MBNL3: variants seen among roughly 807,000 people sequenced by gnomAD.
MBNL3 encodes the protein muscleblind like splicing regulator 3, also known as muscleblind-like protein 3.
In MBNL3, 6 loss-of-function variants were observed where a neutral mutation model predicts 24.5. The ratio of observed to expected loss-of-function variants is 0.25; its 90% CI spans 0.13 to 0.48. The LOEUF is 0.48. Among genes scored for constraint, MBNL3 ranks in the 20% least tolerant of loss-of-function variants. MBNL3 has a pLI of 0.99. For missense variants in MBNL3, 230 were observed against 293.5 expected (o/e 0.78, Z 1.58); for synonymous variants, 100 against 101.7 (o/e 0.98, Z 0.10).
intron 2 of MBNL3, chrX:132,429,908 G>A (rs1004303500): frequency 2.7e-5 from 3 of 111,891 alleles, no homozygotes; most frequent in African/African-American, 9.8e-5. Context: ...CTCCCTCAAC[G>A]GATCACCAGT....
rs1337401822 is a variant in MBNL3 at position 132,372,594 on chromosome X, A to G, written c.*7072T>C. 9.1e-6 allele frequency: 1 copy of G among 110,052 alleles called. No individual in the cohort carries two copies. The allele number at this position is 110,052 out of a possible 1,213,427, so 9.1% of individuals were successfully genotyped here. A position where few individuals can be genotyped will look rare whatever the true frequency, so the allele number is the denominator to read the frequency against. On this transcript the variant is annotated 3_prime_UTR_variant, in exon 9 of 9. Transcript: ENST00000370853. ...TATCATTCTCTCAACTGCTAGACAC[A>G]AAAGACATAGCAACAAAGTAATTTG... is the stretch of plus-strand genomic sequence containing the variant.
chrX:132,427,812 G>A (rs750845405), intron 2 of MBNL3, among the ~76,000 whole-genome samples: 20 of 111,726 alleles, frequency 1.8e-4, no homozygotes, highest in Non-Finnish European at 3.6e-4. Flanking sequence ...CTACCGTTCC[G>A]TTAGCTAACA....
intron 2 of MBNL3, among the ~76,000 whole-genome samples, chrX:132,429,056 G>A (rs1944531966): frequency 8.9e-6 from 1 of 112,240 alleles, no homozygotes; most frequent in Non-Finnish European, 1.9e-5. Context: ...AACAGTAGTT[G>A]GGGAATACAT....
intron 2 of MBNL3, among the ~76,000 whole-genome samples, chrX:132,423,091 A>G (rs997883241): frequency 8.9e-6 from 1 of 111,892 alleles, no homozygotes; most frequent in Non-Finnish European, 1.9e-5. Flanking sequence ...CATCTCTGAC[A>G]TCAGTAATGA....
At chrX:132,387,274 G>GAAA (rs1230246022) in intron 5 of MBNL3, among the ~76,000 whole-genome samples, 3 of 22,623 alleles carry the variant, frequency 1.3e-4, no homozygotes, top group Non-Finnish European at 1.6e-4. Flanking sequence ...CCTGTCTCAA[G>GAAA]AAAAAAAAAA....
intron 1 of MBNL3, among the ~76,000 whole-genome samples, chrX:132,453,180 AG>A (rs774239064): frequency 6.0e-4 from 67 of 111,492 alleles, no homozygotes; most frequent in African/African-American, 2.0e-3. Flanking sequence ...GAACCTGGAA[AG>A]TGACCTAAGG....
At chrX:132,396,932 A>G (rs1447623666) in intron 3 of MBNL3, among the ~76,000 whole-genome samples, 1 of 79,204 alleles carries the variant, frequency 1.3e-5, no homozygotes, top group Non-Finnish European at 2.3e-5. Context: ...ATTCATATAT[A>G]CATTCATATA....
At chrX:132,482,835 G>A (rs943686435) in intron 1 of MBNL3, among the ~76,000 whole-genome samples, 3 of 112,141 alleles carry the variant, frequency 2.7e-5, no homozygotes, top group African/African-American at 3.2e-5. Flanking sequence ...TTCAGAAAGC[G>A]AGCAGAGTGC....
chrX:132,424,128 TGTGA>T (rs201629555), intron 2 of MBNL3, among the ~76,000 whole-genome samples: 1,208 of 112,020 alleles, frequency 0.011, 6 homozygotes, highest in Admixed American at 0.017. Context: ...AAAAGGTAGC[TGTGA>T]GTTTTCTGGC....
intron 1 of MBNL3, among the ~76,000 whole-genome samples, chrX:132,476,156 T>C (rs1259934956): frequency 8.9e-6 from 1 of 111,737 alleles, no homozygotes; most frequent in African/African-American, 3.3e-5. Flanking sequence ...TTATCCAACA[T>C]GAGGAATAAT....
intron 1 of MBNL3, among the ~76,000 whole-genome samples, chrX:132,452,249 A>G (rs188830514): frequency 8.9e-6 from 1 of 112,497 alleles, no homozygotes; most frequent in African/African-American, 3.2e-5. Flanking sequence ...GCGTATGTGC[A>G]TGTGACAGAA....
intron 6 of MBNL3, among the ~76,000 whole-genome samples, chrX:132,385,362 T>G (rs979692756): frequency 3.6e-5 from 4 of 111,681 alleles, no homozygotes; most frequent in Non-Finnish European, 7.5e-5. Flanking sequence ...TTCAACCACC[T>G]TGACTAGACT....
intron 3 of MBNL3, among the ~76,000 whole-genome samples, chrX:132,402,672 T>C (rs1377688496): frequency 1.8e-5 from 2 of 111,854 alleles, no homozygotes; most frequent in Non-Finnish European, 3.8e-5. Flanking sequence ...CTTTCAGAGA[T>C]GGACTTTTAT....
chrX:132,414,773 C>A (rs1043297489), intron 2 of MBNL3, among the ~76,000 whole-genome samples: 2 of 110,923 alleles, frequency 1.8e-5, no homozygotes, highest in African/African-American at 6.6e-5. Context: ...AAGCTTCAAC[C>A]AAGTTGTATG....
rs60044820 is a variant in MBNL3 at position 132,408,092 on chromosome X, C to CTTTTTTTTTTTTTTTTTT, written c.178-1718_178-1701dup. Among the ~76,000 whole-genome samples, 4 of 22,572 alleles carry CTTTTTTTTTTTTTTTTTT rather than the reference C, an allele frequency of 1.8e-4. 1 individual carries two copies. The highest frequency in any genetic ancestry group is 3.2e-4 in the Non-Finnish European group (4 of 12,635). The allele number at this position is 22,572 out of a possible 115,157, so 19.6% of individuals were successfully genotyped here. A position where few individuals can be genotyped will look rare whatever the true frequency, so the allele number is the denominator to read the frequency against. On this transcript the variant is annotated intron_variant, in intron 2 of 8. Transcript: ENST00000370853. ...CCTGACCTCTCTTCTGAATTTCAGT[C>CTTTTTTTTTTTTTTTTTT]TTTTTTTTTTTTTTTTTTTTTTTTT...
At chrX:132,484,546 A>G (rs983770500) in intron 1 of MBNL3, among the ~76,000 whole-genome samples, 2 of 111,590 alleles carry the variant, frequency 1.8e-5, no homozygotes, top group Non-Finnish European at 3.8e-5. Flanking sequence ...CAAGAATCCA[A>G]TGTGGACAAT....
chrX:132,487,024 A>G (rs972413687), intron 1 of MBNL3, among the ~76,000 whole-genome samples: 1 of 111,681 alleles, frequency 9.0e-6, no homozygotes, highest in Non-Finnish European at 1.9e-5. Context: ...GTTTTCATAT[A>G]AGGTCTCCAA....
chrX:132,474,526 AAAAGAATAAAGAGG>A (rs770335456), intron 1 of MBNL3, among the ~76,000 whole-genome samples: 32 of 111,423 alleles, frequency 2.9e-4, no homozygotes, highest in African/African-American at 1.0e-3. Flanking sequence ...CTTAAAGGCA[AAAAGAATAAAGAGG>A]ACCCAAAATT....
intron 2 of MBNL3, among the ~76,000 whole-genome samples, chrX:132,425,835 G>A (rs775022600): frequency 3.6e-5 from 4 of 111,482 alleles, no homozygotes; most frequent in Admixed American, 9.5e-5. Flanking sequence ...AAAAAAATCC[G>A]TATATAACGT....
Sources: gnomAD v4.1 joint callset for allele counts (sites outside exome capture counted in the v4.1 genomes callset) on GRCh38, gnomAD v4.1.1 for gene constraint, MANE v1.5 for transcripts, NCBI Gene and HGNC (gene_info 2026-07-23, HGNC 2026-07-21) for gene names.